Variants in PCDH11X observed in about 807,000 individuals in gnomAD.
The protein encoded by PCDH11X is protocadherin-11 X-linked.
PCDH11X carries 18 observed loss-of-function variants against 53.3 expected under a neutral mutation model. The ratio of observed to expected loss-of-function variants is 0.34; its 90% CI spans 0.23 to 0.50. The LOEUF (loss-of-function observed/expected upper bound fraction) is 0.50, where lower values mean the gene tolerates loss of function less well. PCDH11X is among the 20% of genes least tolerant of loss of function. PCDH11X has a pLI of 0.98. For synonymous variants in PCDH11X, 279 were observed against 393.3 expected (o/e 0.71, Z 3.44); for missense variants, 570 against 1,032.4 (o/e 0.55, Z 6.14).
intron 6 of PCDH11X, among the ~76,000 whole-genome samples, chrX:92,118,821 G>A (rs1186097095): frequency 1.1e-5 from 1 of 91,501 alleles, no homozygotes; most frequent in Non-Finnish European, 2.1e-5. Flanking sequence ...GGCTCACTGC[G>A]AGCTCCGCCT....
intron 4 of PCDH11X, among the ~76,000 whole-genome samples, chrX:91,819,693 T>G (rs1387830593): frequency 9.4e-6 from 1 of 106,173 alleles, no homozygotes. Flanking sequence ...TATTATACTT[T>G]AAGTTTTAGG....
chrX:92,130,650 C>CA (rs34011848), intron 6 of PCDH11X, among the ~76,000 whole-genome samples: 972 of 62,971 alleles, frequency 0.015, 11 homozygotes, highest in East Asian at 0.027. Context: ...AACTCTGTCT[C>CA]AAAAAAAAAA....
intron 6 of PCDH11X, among the ~76,000 whole-genome samples, chrX:92,116,907 TA>T (rs2064650891): frequency 1.8e-5 from 2 of 109,252 alleles, no homozygotes; most frequent in South Asian, 4.0e-4. Context: ...ATTTTATAAT[TA>T]AAAAAAATCA....
At chrX:91,944,249 T>G (rs1407692450) in intron 6 of PCDH11X, among the ~76,000 whole-genome samples, 1 of 97,776 alleles carries the variant, frequency 1.0e-5, no homozygotes, top group Non-Finnish European at 2.1e-5. Flanking sequence ...CAAAAAACAA[T>G]TAGTTTAGCT....
At chrX:92,137,192 G>T (rs959162933) in intron 6 of PCDH11X, among the ~76,000 whole-genome samples, 1 of 110,226 alleles carries the variant, frequency 9.1e-6, no homozygotes, top group African/African-American at 3.3e-5. Context: ...TATATACATA[G>T]ACAGCAGTGT....
chrX:91,872,209 G>T (rs1228817378), intron 5 of PCDH11X, among the ~76,000 whole-genome samples: 3 of 108,135 alleles, frequency 2.8e-5, no homozygotes, highest in Admixed American at 1.0e-4. Flanking sequence ...CAACTAGGTT[G>T]TAAAATTTTA....
intron 6 of PCDH11X, among the ~76,000 whole-genome samples, chrX:92,045,305 TGAA>T (rs2063269982): frequency 9.9e-6 from 1 of 100,516 alleles, no homozygotes; most frequent in East Asian, 3.4e-4. Flanking sequence ...GATTCCAGAA[TGAA>T]GATAAAGTCT....
intron 10 of PCDH11X, among the ~76,000 whole-genome samples, chrX:92,607,542 G>C (rs4020552): frequency 6.8e-4 from 76 of 111,522 alleles, no homozygotes; most frequent in African/African-American, 2.2e-3. Context: ...AATTGAGATG[G>C]TTGCACAATG....
At chrX:92,036,911 T>C (rs1308304710) in intron 6 of PCDH11X, among the ~76,000 whole-genome samples, 1 of 111,635 alleles carries the variant, frequency 9.0e-6, no homozygotes, top group Non-Finnish European at 1.9e-5. Flanking sequence ...TATTGGGAAC[T>C]GGAGCAAAGG....
intron 5 of PCDH11X, among the ~76,000 whole-genome samples, chrX:91,865,753 C>T (rs1406527936): frequency 8.9e-6 from 1 of 112,069 alleles, no homozygotes; most frequent in African/African-American, 3.2e-5. Context: ...TTTCCAAAGG[C>T]AGAGAAGCCT....
At chrX:92,108,266 C>T (rs1221533561) in intron 6 of PCDH11X, among the ~76,000 whole-genome samples, 1 of 111,674 alleles carries the variant, frequency 9.0e-6, no homozygotes, top group Non-Finnish European at 1.9e-5. Context: ...GTGCATTCAG[C>T]CACCTTGGAC....
intron 8 of PCDH11X, among the ~76,000 whole-genome samples, chrX:92,279,363 A>T (rs2068194615): frequency 8.9e-6 from 1 of 112,262 alleles, no homozygotes; most frequent in African/African-American, 3.2e-5. Flanking sequence ...AAGACAGGTT[A>T]CCCTCTTTAT....
At chrX:92,347,959 T>C (rs2148522578) in intron 8 of PCDH11X, among the ~76,000 whole-genome samples, 1 of 111,787 alleles carries the variant, frequency 8.9e-6, no homozygotes, top group South Asian at 3.7e-4. Flanking sequence ...AAAGACATTA[T>C]ACATCAGAGC....
chrX:92,367,799 T>G (rs1320181959), intron 8 of PCDH11X, among the ~76,000 whole-genome samples: 1 of 111,908 alleles, frequency 8.9e-6, no homozygotes, highest in Non-Finnish European at 1.9e-5. Context: ...AAAATTCTTT[T>G]CTTTAAGAAT....
chrX:92,281,833 C>T (rs1054198710), intron 8 of PCDH11X, among the ~76,000 whole-genome samples: 6 of 111,607 alleles, frequency 5.4e-5, no homozygotes, highest in South Asian at 3.7e-4. Flanking sequence ...CTCTAAAACA[C>T]GTTATGGTAT....
chrX:92,057,769 A>G (rs1385026828), intron 6 of PCDH11X, among the ~76,000 whole-genome samples: 1 of 102,154 alleles, frequency 9.8e-6, no homozygotes, highest in East Asian at 3.2e-4. Context: ...GAAAAGATTT[A>G]TTGCTTATCT....
At chrX:92,393,598 AT>A (rs1158184624) in intron 9 of PCDH11X, among the ~76,000 whole-genome samples, 2 of 111,248 alleles carry the variant, frequency 1.8e-5, no homozygotes, top group African/African-American at 6.5e-5. Context: ...ATTTATTAAT[AT>A]TTTTAAGGTA....
chrX:91,884,720 A>G (rs754932097), intron 6 of PCDH11X, among the ~76,000 whole-genome samples: 46 of 111,762 alleles, frequency 4.1e-4, no homozygotes, highest in Non-Finnish European at 7.3e-4. Context: ...AACAGTACTA[A>G]CAGAATTTTT....
chrX:92,481,529 C>G (rs1388039931), intron 10 of PCDH11X, among the ~76,000 whole-genome samples: 2 of 109,179 alleles, frequency 1.8e-5, no homozygotes, highest in Non-Finnish European at 3.8e-5. Flanking sequence ...GATGTGGGTC[C>G]CCAGGGCACC....
Sources: allele counts gnomAD v4.1 joint callset (sites outside exome capture counted in the v4.1 genomes callset), GRCh38; gene constraint gnomAD v4.1.1; transcripts MANE v1.5; gene names NCBI Gene and HGNC (gene_info 2026-07-23, HGNC 2026-07-21).